Variants in EVI5 observed in about 807,000 individuals in gnomAD.
EVI5 encodes the protein ecotropic viral integration site 5 protein homolog.
In EVI5, 73 loss-of-function variants were observed where a neutral mutation model predicts 112.0. The ratio of observed to expected loss-of-function variants is 0.65; its 90% CI spans 0.54 to 0.79. The LOEUF (loss-of-function observed/expected upper bound fraction) is 0.79. Ranked by LOEUF, EVI5 falls within the 30% of genes least tolerant of loss-of-function variation. The probability of loss-of-function intolerance (pLI) is 0.00; values close to 1 mark genes in which losing one functional copy is unlikely to be tolerated. For synonymous variants in EVI5, 305 were observed against 319.9 expected, an observed-to-expected ratio of 0.95 and a Z score of 0.50; for missense variants, 900 against 968.8, an observed-to-expected ratio of 0.93 and a Z score of 0.94.
chr1:92,571,053 G>C (rs1356770891), intron 18 of EVI5, among the ~76,000 whole-genome samples: 1 of 151,568 alleles, frequency 6.6e-6, no homozygotes, highest in East Asian at 1.9e-4. Flanking sequence ...CAATTATATA[G>C]TTGTCTTATT....
At chr1:92,543,157 A>G (rs1665110784) in intron 19 of EVI5, among the ~76,000 whole-genome samples, 1 of 152,166 alleles carries the variant, frequency 6.6e-6, no homozygotes, top group Non-Finnish European at 1.5e-5. Context: ...CCGGTATAAG[A>G]CTGTTGCATC....
intron 13 of EVI5, among the ~76,000 whole-genome samples, chr1:92,658,277 T>C (rs1208667531): frequency 6.6e-6 from 1 of 152,052 alleles, no homozygotes; most frequent in East Asian, 1.9e-4. Context: ...ATATTCAAAT[T>C]GGAAAAGAGG....
intron 9 of EVI5, among the ~76,000 whole-genome samples, chr1:92,679,852 G>A (rs1052940731): frequency 7.9e-5 from 12 of 152,226 alleles, no homozygotes; most frequent in East Asian, 3.9e-4. Flanking sequence ...GTTTTCAGGA[G>A]GAAGACCACA....
Position 92,636,316 on chromosome 1 carries a change from G to C in EVI5, c.1413C>G (p.Tyr471Ter), listed in dbSNP as rs200865066. The change falls in exon 14 of 20, where the codon TAC becomes TAG. Residue 471 changes from tyrosine to a stop codon, truncating the protein, a stop_gained. Coordinates refer to ENST00000684568, the MANE Select transcript of EVI5 (RefSeq NM_001350197.2). LOFTEE classifies it high-confidence loss of function. The part of the protein sequence containing the change: ...QQQWHKCSSN[Y>*]NEDFVLQLEK... Reference sequence around the variant, plus strand: ...CTAGCTGTAGCACAAAATCTTCGTTGTAGTTGGAACTGCATTTATGCTAAA... The same window carrying C: ...CTAGCTGTAGCACAAAATCTTCGTTCTAGTTGGAACTGCATTTATGCTAAA... 1.4e-5 allele frequency: 22 copies of C among 1,613,484 alleles called. No individual in the cohort carries two copies. In the African/African-American group the frequency reaches 2.8e-4, roughly 21 times the overall value.
Position 92,511,657 on chromosome 1 carries a change from G to A in EVI5, c.*1999C>T, listed in dbSNP as rs1440261056. 1.3e-5 allele frequency: 2 copies of A among 152,046 alleles called. No individual in the cohort carries two copies. The highest frequency in any genetic ancestry group is 2.9e-5 in the Non-Finnish European group (2 of 68,024). 9.4% of individuals were successfully genotyped at this position (152,046 alleles called of 1,614,324 possible). A position where few individuals can be genotyped will look rare whatever the true frequency, so the allele number is the denominator to read the frequency against. Reference sequence around the variant, plus strand: ...AAGACCAGCCTGGACAACACAGTGAGACACCTGTCTCTATATTAAAAAAAA... The same window carrying A: ...AAGACCAGCCTGGACAACACAGTGAAACACCTGTCTCTATATTAAAAAAAA... On this transcript the variant is annotated 3_prime_UTR_variant, in exon 20 of 20. Transcript: ENST00000684568.
At chr1:92,747,716 CAAAAAAAAAAACA>C (rs796135887) in intron 1 of EVI5, among the ~76,000 whole-genome samples, 5 of 83,546 alleles carry the variant, frequency 6.0e-5, no homozygotes, top group Admixed American at 5.0e-4. Flanking sequence ...TCCATCTCAC[CAAAAAAAAAAACA>C]AAAAAAAAAA....
At chr1:92,716,388 G>A (rs960451177) in intron 2 of EVI5, among the ~76,000 whole-genome samples, 5 of 152,220 alleles carry the variant, frequency 3.3e-5, no homozygotes, top group Admixed American at 1.3e-4. Context: ...CTGACTGTTA[G>A]AAGGAAAACT....
chr1:92,568,286 G>A (rs952249735), intron 18 of EVI5, among the ~76,000 whole-genome samples: 1 of 151,166 alleles, frequency 6.6e-6, no homozygotes, highest in Non-Finnish European at 1.5e-5. Context: ...TAAGGCGGGC[G>A]GATTGCTTGA....
At chr1:92,611,370 C>A (rs1651755771) in intron 16 of EVI5, among the ~76,000 whole-genome samples, 1 of 151,800 alleles carries the variant, frequency 6.6e-6, no homozygotes, top group Non-Finnish European at 1.5e-5. Context: ...GTATACTGAG[C>A]TAAACTATCA....
intron 1 of EVI5, among the ~76,000 whole-genome samples, chr1:92,772,716 C>A (rs1218322624): frequency 6.6e-6 from 1 of 150,604 alleles, no homozygotes; most frequent in African/African-American, 2.4e-5. Flanking sequence ...GACCAGCCTG[C>A]CAAAGATGGT....
At chr1:92,554,799 T>C (rs1434229583) in intron 19 of EVI5, among the ~76,000 whole-genome samples, 1 of 151,590 alleles carries the variant, frequency 6.6e-6, no homozygotes, top group Non-Finnish European at 1.5e-5. Flanking sequence ...TGAGACCCTG[T>C]CTCTACAAAA....
At chr1:92,701,851 A>G (rs1285978888) in intron 5 of EVI5, among the ~76,000 whole-genome samples, 1 of 150,452 alleles carries the variant, frequency 6.6e-6, no homozygotes, top group Admixed American at 6.7e-5. Flanking sequence ...ACTCTTCATT[A>G]AATGTTAACA....
chr1:92,573,235 A>G (rs954717282), intron 18 of EVI5, among the ~76,000 whole-genome samples: 7 of 146,350 alleles, frequency 4.8e-5, no homozygotes, highest in African/African-American at 1.7e-4. Context: ...CTAATTCTAA[A>G]TATCTAGGAA....
intron 1 of EVI5, among the ~76,000 whole-genome samples, chr1:92,780,852 A>ATT (rs869256592): frequency 7.9e-5 from 11 of 139,716 alleles, no homozygotes; most frequent in Admixed American, 7.1e-5. Context: ...AAAAAAGTAA[A>ATT]TTTTTTTTTT....
At chr1:92,719,496 G>C (rs1202121270) in intron 2 of EVI5, among the ~76,000 whole-genome samples, 2 of 151,918 alleles carry the variant, frequency 1.3e-5, no homozygotes, top group Non-Finnish European at 2.9e-5. Flanking sequence ...AAATTCAACA[G>C]TCCTTCATGC....
At chr1:92,726,008 G>C (rs1222615635) in intron 2 of EVI5, among the ~76,000 whole-genome samples, 2 of 152,184 alleles carry the variant, frequency 1.3e-5, no homozygotes, top group African/African-American at 4.8e-5. Context: ...GCAAAAGACA[G>C]TATTAGTGAA....
chr1:92,713,021 T>A (rs1025949312), intron 2 of EVI5, among the ~76,000 whole-genome samples: 1 of 151,730 alleles, frequency 6.6e-6, no homozygotes, highest in Non-Finnish European at 1.5e-5. Context: ...CTCCTGGGCT[T>A]AAGCAATCCT....
chr1:92,577,073 A>G (rs1410390003), intron 18 of EVI5, among the ~76,000 whole-genome samples: 1 of 152,208 alleles, frequency 6.6e-6, no homozygotes, highest in Non-Finnish European at 1.5e-5. Flanking sequence ...AAATGGCATT[A>G]TCTCTATAAC....
intron 16 of EVI5, among the ~76,000 whole-genome samples, chr1:92,620,985 C>T (rs1654435050): frequency 6.6e-6 from 1 of 151,962 alleles, no homozygotes; most frequent in South Asian, 2.1e-4. Flanking sequence ...TTAGATTACA[C>T]ATGAAGTGTA....
Sources: allele counts gnomAD v4.1 joint callset (sites outside exome capture counted in the v4.1 genomes callset), GRCh38; gene constraint gnomAD v4.1.1; transcripts MANE v1.5; gene names NCBI Gene and HGNC (gene_info 2026-07-23, HGNC 2026-07-21).